PTPRK: variants seen among roughly 807,000 people sequenced by gnomAD.
PTPRK encodes receptor-type tyrosine-protein phosphatase kappa.
PTPRK carries 75 observed loss-of-function variants against 178.0 expected under a neutral mutation model. The ratio of observed to expected loss-of-function variants is 0.42; its 90% confidence interval spans 0.35 to 0.51. PTPRK has a LOEUF of 0.51. Ranked by LOEUF, PTPRK falls within the 20% of genes least tolerant of loss-of-function variation. PTPRK has a pLI of 0.02. For missense variants in PTPRK, 1,441 were observed against 1,797.8 expected, an observed-to-expected ratio of 0.80 and a Z score of 3.59; for synonymous variants, 637 against 620.6, an observed-to-expected ratio of 1.03 and a Z score of -0.39.
chr6:128,503,252 T>TTTGGCTTGAG (rs1855827604), intron 1 of PTPRK, among the ~76,000 whole-genome samples: 1 of 152,080 alleles, frequency 6.6e-6, no homozygotes, highest in African/African-American at 2.4e-5. Context: ...ACCTGAACTT[T>TTTGGCTTGAG]TTGGCTTGAG....
At chr6:128,448,670 A>G (rs1847347902) in intron 1 of PTPRK, among the ~76,000 whole-genome samples, 1 of 152,178 alleles carries the variant, frequency 6.6e-6, no homozygotes, top group Admixed American at 6.5e-5. Flanking sequence ...GACAGAGACA[A>G]GAAATTATGA....
At chr6:128,219,121 A>C in intron 5 of PTPRK, 25 bp from the exon 6 acceptor site, 1 of 1,576,446 alleles carries the variant, frequency 6.3e-7, no homozygotes, top group Non-Finnish European at 8.7e-7. Context: ...CAATCTTTAA[A>C]AACAGGTTCT....
chr6:128,446,131 C>T (rs1846992809), intron 1 of PTPRK, among the ~76,000 whole-genome samples: 2 of 152,298 alleles, frequency 1.3e-5, no homozygotes, highest in South Asian at 4.1e-4. Context: ...CTAATGTTCT[C>T]AGATGTCTGG....
rs369306322 is a variant in PTPRK, at chr6:127,998,882, T to A, written c.2517A>T (p.Ala839=). 37 of 1,567,054 alleles carry A rather than the reference T, an allele frequency of 2.4e-5. No homozygotes were observed. Among genetic ancestry groups the A allele is most frequent in the Non-Finnish European group, 2.9e-5 (34 of 1,153,216 alleles). The change falls in exon 16 of 30, where the codon GCA becomes GCT. Residue 839 remains alanine (A), a synonymous_variant. Coordinates refer to ENST00000368226, the MANE Select transcript of PTPRK (RefSeq NM_002844.4). ...GTACGTCTAGAAGGCGACTGGACTC[T>A]GCTGTAGCACTGTGGTTCTCATCTG... ...SPRYENHSAT[A]ESSRLLDVPR...
intron 2 of PTPRK, among the ~76,000 whole-genome samples, chr6:128,345,231 A>T (rs1832270918): frequency 6.6e-6 from 1 of 152,196 alleles, no homozygotes; most frequent in Non-Finnish European, 1.5e-5. Flanking sequence ...ATGCTATTTT[A>T]AGCACTTTTT....
chr6:128,247,634 A>C (rs1481533119), intron 3 of PTPRK, among the ~76,000 whole-genome samples: 2 of 152,146 alleles, frequency 1.3e-5, no homozygotes, highest in Admixed American at 1.3e-4. Flanking sequence ...CGTACCCTTT[A>C]ACTGTAACTT....
chr6:128,260,843 C>T (rs1818073892), intron 3 of PTPRK, among the ~76,000 whole-genome samples: 1 of 152,134 alleles, frequency 6.6e-6, no homozygotes, highest in South Asian at 2.1e-4. Flanking sequence ...TAGTAAGTTA[C>T]TTTAAAGACA....
chr6:128,458,314 T>A (rs1848633262), intron 1 of PTPRK, among the ~76,000 whole-genome samples: 2 of 152,190 alleles, frequency 1.3e-5, no homozygotes, highest in Admixed American at 6.6e-5. Context: ...GATTGCTTAT[T>A]CTTAAGATTA....
chr6:128,185,035 T>C (rs536271866), intron 6 of PTPRK, among the ~76,000 whole-genome samples: 1 of 152,306 alleles, frequency 6.6e-6, no homozygotes, highest in Non-Finnish European at 1.5e-5. Context: ...ATAGCTCTAA[T>C]TAGCTACTAA....
intron 2 of PTPRK, among the ~76,000 whole-genome samples, chr6:128,347,469 G>A (rs923270095): frequency 4.6e-5 from 7 of 152,102 alleles, no homozygotes; most frequent in African/African-American, 7.2e-5. Flanking sequence ...TGAATTTACC[G>A]TGAAGAAGGG....
chr6:128,500,617 G>A (rs1855411405), intron 1 of PTPRK: 1 of 152,150 alleles, frequency 6.6e-6, no homozygotes, highest in Admixed American at 6.5e-5. Flanking sequence ...ATGAACATAT[G>A]TCTTTTTCCT....
At chr6:128,347,023 T>C (rs573107712) in intron 2 of PTPRK, among the ~76,000 whole-genome samples, 13 of 152,292 alleles carry the variant, frequency 8.5e-5, no homozygotes, top group Non-Finnish European at 1.6e-4. Context: ...GAATCTGCAT[T>C]GTATTGACAG....
At chr6:128,321,730 T>C (rs1039690887) in intron 3 of PTPRK, 1 of 683,034 alleles carries the variant, frequency 1.5e-6, no homozygotes, top group African/African-American at 1.8e-5. Flanking sequence ...TAGCTCTTTG[T>C]CAAACCACCA....
At chr6:128,265,370 T>C (rs1266548602) in intron 3 of PTPRK, among the ~76,000 whole-genome samples, 1 of 152,160 alleles carries the variant, frequency 6.6e-6, no homozygotes, top group Non-Finnish European at 1.5e-5. Flanking sequence ...TAAATATAAA[T>C]AACTTTTTAA....
At chr6:128,444,471 C>T (rs561277995) in intron 1 of PTPRK, among the ~76,000 whole-genome samples, 1 of 152,188 alleles carries the variant, frequency 6.6e-6, no homozygotes, top group East Asian at 1.9e-4. Flanking sequence ...TAAATCCCCA[C>T]TTGTCCATGC....
rs773260617 is a variant in PTPRK at position 128,397,519 on chromosome 6, A to G, written c.223+47T>C. On this transcript the variant is annotated intron_variant, in intron 2 of 29. Coordinates refer to ENST00000368226, the MANE Select transcript of PTPRK (RefSeq NM_002844.4). ...CACTTTAAATAAGAAAATCATAGAT[A>G]CTGCAAAACTATTCCCCCAACACTG... 3.1e-6 allele frequency: 5 copies of G among 1,596,728 alleles called. No individual in the cohort carries two copies. The Admixed American group carries it at 8.6e-5, about 27-fold the overall frequency.
intron 7 of PTPRK, among the ~76,000 whole-genome samples, chr6:128,183,229 T>G (rs529039392): frequency 6.6e-6 from 1 of 152,278 alleles, no homozygotes; most frequent in South Asian, 2.1e-4. Flanking sequence ...GGGGTCAACT[T>G]GCCTCTCCCT....
At chr6:128,303,021 T>C (rs1825870319) in intron 3 of PTPRK, among the ~76,000 whole-genome samples, 1 of 152,048 alleles carries the variant, frequency 6.6e-6, no homozygotes, top group Admixed American at 6.6e-5. Flanking sequence ...TATCAAAAAA[T>C]GGCATCACGA....
chr6:128,235,696 C>G, intron 5 of PTPRK: 1 of 407,716 alleles, frequency 2.5e-6, no homozygotes, highest in South Asian at 1.8e-5. Flanking sequence ...CCATCCCTCA[C>G]TTGTTAGTCA....
Sources: allele counts gnomAD v4.1 joint callset (sites outside exome capture counted in the v4.1 genomes callset), GRCh38; gene constraint gnomAD v4.1.1; transcripts MANE v1.5; gene names NCBI Gene and HGNC (gene_info 2026-07-23, HGNC 2026-07-21).